Variants in WNT6 observed in about 807,000 individuals in gnomAD.
The protein encoded by WNT6 is Wnt family member 6.
WNT6 carries 27 observed loss-of-function variants against 33.1 expected under a neutral mutation model. That is an observed-to-expected ratio of 0.82 (90% CI 0.60 to 1.12). WNT6 has a LOEUF of 1.12. Among genes scored for constraint, WNT6 ranks in the 50% most tolerant of loss-of-function variants. The probability of loss-of-function intolerance (pLI) is 0.00; values close to 1 mark genes in which losing one functional copy is unlikely to be tolerated. For synonymous variants in WNT6, 249 were observed against 242.8 expected (o/e 1.03, Z -0.24); for missense variants, 494 against 535.3 (o/e 0.92, Z 0.76).
chr2:218,873,987 T>TTGA lies in WNT6; in HGVS notation c.*142_*143insTGA. 1 of 979,086 alleles carries TTGA rather than the reference T, an allele frequency of 1.0e-6. No homozygotes were observed. Among genetic ancestry groups the TTGA allele is most frequent in the Non-Finnish European group, 1.4e-6 (1 of 708,002 alleles). The allele number at this position is 979,086 out of a possible 1,614,324, so 60.6% of individuals were successfully genotyped here. A position where few individuals can be genotyped will look rare whatever the true frequency, so the allele number is the denominator to read the frequency against. On this transcript the variant is annotated 3_prime_UTR_variant, in exon 4 of 4. Coordinates refer to ENST00000233948, the MANE Select transcript of WNT6 (RefSeq NM_006522.4). The surrounding 1 kb of genome is among the most constrained non-coding windows in gnomAD (Gnocchi z 6.1). Reference sequence around the variant, plus strand: ...CCAACTCCCAGGGCTCTGGAAATGGTGAGGCGAGGGGCTTGAGAGGAACGC... The same window carrying TTGA: ...CCAACTCCCAGGGCTCTGGAAATGGTTGAGAGGCGAGGGGCTTGAGAGGAACGC...
In WNT6 at chr2:218,865,736, C is replaced by T. The variant is rs182457046; in HGVS notation, c.81-5291C>T. On this transcript the variant is annotated intron_variant, in intron 1 of 3. Coordinates refer to ENST00000233948, the MANE Select transcript of WNT6 (RefSeq NM_006522.4). The stretch of plus-strand genomic sequence containing the variant: ...TAGGTGCTCCCCACCCCAATATGGG[C>T]GAGCAGAGGGCCCAGGACAGTCTCC... Among the ~76,000 whole-genome samples the T allele has an allele frequency of 9.9e-5, 15 of 152,258 alleles. No homozygotes were observed. The East Asian group carries it at 2.3e-3, about 24-fold the overall frequency.
intron 1 of WNT6, among the ~76,000 whole-genome samples, chr2:218,870,626 C>T (rs1012145795): frequency 6.6e-6 from 1 of 152,246 alleles, no homozygotes; most frequent in African/African-American, 2.4e-5. Context: ...CTCTTGACGA[C>T]ACATGAATTT....
chr2:218,860,135 G>C lies in WNT6; in HGVS notation c.80+18G>C. 1 of 1,515,122 alleles carries C rather than the reference G, an allele frequency of 6.6e-7. No individual in the cohort carries two copies. The highest frequency in any genetic ancestry group is 8.8e-7 in the Non-Finnish European group (1 of 1,135,270). 93.9% of individuals were successfully genotyped at this position (1,515,122 alleles called of 1,614,324 possible). ...CTGTGGTGGTGAGTCCGGCTGTCCT[G>C]GCGCGGCTCTGGACCCTGGAGGGTG... is the stretch of plus-strand genomic sequence containing the variant. On this transcript the variant is annotated intron_variant, in intron 1 of 3. Coordinates refer to ENST00000233948, the MANE Select transcript of WNT6 (RefSeq NM_006522.4).
Position 218,871,020 on chromosome 2 carries a change from T to C in WNT6, c.81-7T>C, listed in dbSNP as rs756902722. Reference sequence around the variant, plus strand: ...ACACCCCTGACCTGCTATTCTCTGCTTTCCAGGGCTGTGGGCAGCCCCTTG... The same window carrying C: ...ACACCCCTGACCTGCTATTCTCTGCCTTCCAGGGCTGTGGGCAGCCCCTTG... On this transcript the variant is annotated splice_region_variant and splice_polypyrimidine_tract_variant and intron_variant, in intron 1 of 3. Transcript: ENST00000233948. This position sits in a 1 kb window ranked among gnomAD's most constrained non-coding sequence, Gnocchi z 6.4. 6.3e-7 allele frequency: 1 copy of C among 1,594,006 alleles called. No homozygotes were observed. Among genetic ancestry groups the C allele is most frequent in the Non-Finnish European group, 8.6e-7 (1 of 1,166,532 alleles).
chr2:218,867,421 A>G lies in WNT6; in HGVS notation c.81-3606A>G, dbSNP rs1047210762. On this transcript the variant is annotated intron_variant, in intron 1 of 3. Transcript: ENST00000233948. This position sits in a 1 kb window ranked among gnomAD's most constrained non-coding sequence, Gnocchi z 4.9. ...GGACATCCAGGGCTTAGGTCTACAC[A>G]TATTGCCAATAGGGACTGGCTGGCC... 6.6e-6 allele frequency among the ~76,000 whole-genome samples: 1 copy of G among 152,160 alleles called. No homozygotes were observed. Among genetic ancestry groups the G allele is most frequent in the Non-Finnish European group, 1.5e-5 (1 of 68,024 alleles).
intron 3 of WNT6, among the ~76,000 whole-genome samples, chr2:218,872,568 G>A (rs949902860): frequency 6.6e-6 from 1 of 152,152 alleles, no homozygotes; most frequent in African/African-American, 2.4e-5. Context: ...TTCCAGGAGG[G>A]GGCAGGGCAG....
rs1944429683 is a variant in WNT6 at position 218,873,791 on chromosome 2, C to T, written c.1044C>T (p.Cys348=). Reference sequence around the variant, plus strand: ...GCCTGTGCCGCTTCCACTGGTGCTGCGTAGTACAGTGCCACCGCTGCCGTG... The same window carrying T: ...GCCTGTGCCGCTTCCACTGGTGCTGTGTAGTACAGTGCCACCGCTGCCGTG... ...ENCLCRFHWC[C]VVQCHRCRVR... is the part of the protein sequence containing the mutation. The change falls in exon 4 of 4, where the codon TGC becomes TGT. Residue 348 remains cysteine (C), a synonymous_variant. Transcript: ENST00000233948. This position sits in a 1 kb window ranked among gnomAD's most constrained non-coding sequence, Gnocchi z 6.1. The T allele has an allele frequency of 1.9e-6, 3 of 1,575,530 alleles. No homozygotes were observed. The highest frequency in any genetic ancestry group is 2.6e-6 in the Non-Finnish European group (3 of 1,167,140).
intron 1 of WNT6, among the ~76,000 whole-genome samples, chr2:218,869,678 G>A (rs1944383933): frequency 6.6e-6 from 1 of 152,162 alleles, no homozygotes; most frequent in Non-Finnish European, 1.5e-5. Context: ...TCAAATAGGA[G>A]CATTCTGATG....
At chr2:218,872,491 C>A (rs2106006117) in intron 3 of WNT6, among the ~76,000 whole-genome samples, 1 of 152,290 alleles carries the variant, frequency 6.6e-6, no homozygotes, top group African/African-American at 2.4e-5. Context: ...CTCTCCTCTC[C>A]CCTCTGTAAC....
chr2:218,866,114 C>A (rs1435412144), intron 1 of WNT6, among the ~76,000 whole-genome samples: 1 of 152,012 alleles, frequency 6.6e-6, no homozygotes, highest in Non-Finnish European at 1.5e-5. Flanking sequence ...AGTCAGGCAA[C>A]ATTTTTCTGC....
intron 1 of WNT6, among the ~76,000 whole-genome samples, chr2:218,862,745 G>T (rs148665308): frequency 6.6e-6 from 1 of 151,324 alleles, no homozygotes; most frequent in Non-Finnish European, 1.5e-5. Flanking sequence ...TCGTTGTGTC[G>T]CCCAGGCTGG....
chr2:218,873,672 G>A lies in WNT6; in HGVS notation c.925G>A (p.Ala309Thr). 6.3e-7 allele frequency: 1 copy of A among 1,581,882 alleles called. No homozygotes were observed. Among genetic ancestry groups the A allele is most frequent in the Non-Finnish European group, 8.5e-7 (1 of 1,171,366 alleles). ...RTGSPGTRGR[A>T]CNSSAPDLSG... The stretch of plus-strand genomic sequence containing the variant: ...CGGCTCCCCCGGCACGCGCGGTCGC[G>A]CCTGCAATAGCAGCGCCCCGGACCT... The change falls in exon 4 of 4, where the codon GCC becomes ACC. Residue 309 changes from alanine to threonine, a missense_variant. Coordinates refer to ENST00000233948, the MANE Select transcript of WNT6 (RefSeq NM_006522.4). This position sits in a 1 kb window ranked among gnomAD's most constrained non-coding sequence, Gnocchi z 6.1.
intron 1 of WNT6, 127 bp from the exon 2 acceptor site, chr2:218,870,900 G>C (rs1394399130): frequency 4.8e-6 from 4 of 836,118 alleles, no homozygotes; most frequent in Non-Finnish European, 7.6e-6. Flanking sequence ...CTCAAGCTCA[G>C]TTTGGAGGTA....
intron 1 of WNT6, among the ~76,000 whole-genome samples, chr2:218,869,193 G>A (rs1019114454): frequency 6.6e-6 from 1 of 151,082 alleles, no homozygotes; most frequent in Admixed American, 6.6e-5. Context: ...TACGGATGAC[G>A]GCAGCAACTT....
At chr2:218,870,977 C>T (rs1361466331) in intron 1 of WNT6, 50 bp from the exon 2 acceptor site, 3 of 1,519,656 alleles carry the variant, frequency 2.0e-6, no homozygotes, top group Non-Finnish European at 2.7e-6. Flanking sequence ...CCTTCCACCC[C>T]AAGCCCTTTT....
Position 218,874,174 on chromosome 2 carries a change from G to C in WNT6, c.*329G>C, listed in dbSNP as rs1944433604. ...AGGCCTCTGGATACTGGGCTCCCCAGAACTGCTGGCCACAGGATGGTGGGT... is the reference window on the plus strand; with the variant it reads ...AGGCCTCTGGATACTGGGCTCCCCACAACTGCTGGCCACAGGATGGTGGGT... On this transcript the variant is annotated 3_prime_UTR_variant, in exon 4 of 4. Coordinates refer to ENST00000233948, the MANE Select transcript of WNT6 (RefSeq NM_006522.4). 1 of 332,530 alleles carries C rather than the reference G, an allele frequency of 3.0e-6. No individual in the cohort carries two copies. The highest frequency in any genetic ancestry group is 2.1e-5 in the African/African-American group (1 of 46,858). The allele number at this position is 332,530 out of a possible 1,614,324, so 20.6% of individuals were successfully genotyped here. A position where few individuals can be genotyped will look rare whatever the true frequency, so the allele number is the denominator to read the frequency against.
Position 218,860,058 on chromosome 2 carries a change from C to T in WNT6, c.21C>T (p.Ser7=). Residue 7 remains serine, a synonymous_variant, in exon 1 of 4, where the codon TCC becomes TCT. Transcript: ENST00000233948. MLPPLP[S]RLGLLLLLLL... Reference sequence around the variant, plus strand: ...TCACGATGCTGCCGCCCTTACCCTCCCGCCTCGGGCTGCTGCTGCTGCTGC... The same window carrying T: ...TCACGATGCTGCCGCCCTTACCCTCTCGCCTCGGGCTGCTGCTGCTGCTGC... 17 of 1,519,520 alleles carry T rather than the reference C, an allele frequency of 1.1e-5. No individual in the cohort carries two copies. Among genetic ancestry groups the T allele is most frequent in the Non-Finnish European group, 1.4e-5 (16 of 1,139,250 alleles). 94.1% of individuals were successfully genotyped at this position (1,519,520 alleles called of 1,614,324 possible).
Position 218,871,414 on chromosome 2 carries a change from C to T in WNT6, c.302-71C>T, listed in dbSNP as rs1465000767. 17 of 1,544,392 alleles carry T rather than the reference C, an allele frequency of 1.1e-5. No homozygotes were observed. Among genetic ancestry groups the T allele is most frequent in the East Asian group, 2.3e-5 (1 of 44,174 alleles). The stretch of plus-strand genomic sequence containing the variant: ...CAGGCCCCTGGGGCAGCCCTCCCGC[C>T]GCAGGTTTCAGGTCCCAGGCCCCAG... On this transcript the variant is annotated intron_variant, in intron 2 of 3. Coordinates refer to ENST00000233948, the MANE Select transcript of WNT6 (RefSeq NM_006522.4). The surrounding 1 kb of genome is among the most constrained non-coding windows in gnomAD (Gnocchi z 6.4).
chr2:218,865,781 C>T (rs1404191560), intron 1 of WNT6, among the ~76,000 whole-genome samples: 1 of 152,150 alleles, frequency 6.6e-6, no homozygotes, highest in African/African-American at 2.4e-5. Flanking sequence ...CTTTGCCTGC[C>T]GCAGCCCTGA....
Sources: allele counts gnomAD v4.1 joint callset (sites outside exome capture counted in the v4.1 genomes callset), GRCh38; gene constraint gnomAD v4.1.1; non-coding constraint Gnocchi (gnomAD v3.1); transcripts MANE v1.5; gene names NCBI Gene and HGNC (gene_info 2026-07-23, HGNC 2026-07-21).